Variants in FIP1L1 observed in about 807,000 individuals in gnomAD.
The protein encoded by FIP1L1 is pre-mRNA 3'-end-processing factor FIP1.
Under a neutral mutation model 84.6 loss-of-function variants are expected in FIP1L1, and 21 were observed. That is an observed-to-expected ratio of 0.25 (90% CI 0.18 to 0.36). The LOEUF is 0.36. Ranked by LOEUF, FIP1L1 falls within the 10% of genes least tolerant of loss-of-function variation. The pLI is 1.00. For synonymous variants in FIP1L1, 263 were observed against 242.3 expected, an observed-to-expected ratio of 1.09 and a Z score of -0.80; for missense variants, 526 against 751.1, an observed-to-expected ratio of 0.70 and a Z score of 3.50.
chr4:53,409,790 G>C (rs1191960783), intron 10 of FIP1L1, among the ~76,000 whole-genome samples: 3 of 152,232 alleles, frequency 2.0e-5, no homozygotes, highest in African/African-American at 7.2e-5. Flanking sequence ...AGGACCCTCC[G>C]ACCCAGGTGC....
intron 9 of FIP1L1, among the ~76,000 whole-genome samples, chr4:53,396,184 G>A (rs1747229599): frequency 6.6e-6 from 1 of 152,124 alleles, no homozygotes; most frequent in East Asian, 1.9e-4. Context: ...CTCCTGAAGT[G>A]TTGGGATTAC....
chr4:53,381,422 T>C (rs1233289111), intron 3 of FIP1L1, among the ~76,000 whole-genome samples: 1 of 152,212 alleles, frequency 6.6e-6, no homozygotes, highest in East Asian at 1.9e-4. Context: ...GATACTGTTT[T>C]GTGACGTAGA....
intron 16 of FIP1L1, among the ~76,000 whole-genome samples, chr4:53,455,234 A>G (rs568672929): frequency 4.4e-4 from 67 of 152,188 alleles, no homozygotes; most frequent in Middle Eastern, 3.4e-3. Flanking sequence ...TTAACCATTC[A>G]TGTGTTCACT....
At chr4:53,439,304 A>G (rs896392932) in intron 13 of FIP1L1, among the ~76,000 whole-genome samples, 8 of 152,098 alleles carry the variant, frequency 5.3e-5, no homozygotes, top group African/African-American at 1.9e-4. Flanking sequence ...GTGGATTCAT[A>G]AAGATTTTTG....
At chr4:53,378,141 C>A in intron 1 of FIP1L1, 1 of 427,774 alleles carries the variant, frequency 2.3e-6, no homozygotes, top group Non-Finnish European at 4.1e-6. Context: ...ACCCCTGTGG[C>A]GGCCGGGCCG....
intron 11 of FIP1L1, among the ~76,000 whole-genome samples, chr4:53,419,848 C>T (rs1002481667): frequency 2.0e-5 from 3 of 152,274 alleles, no homozygotes; most frequent in South Asian, 2.1e-4. Context: ...CGCAATGGCT[C>T]ACGCCTATAA....
chr4:53,442,480 G>A, intron 13 of FIP1L1, 173 bp from the exon 14 acceptor site: 1 of 560,936 alleles, frequency 1.8e-6, no homozygotes. Flanking sequence ...AAGTTTTATT[G>A]CGCTAAAAAT....
At position 53,383,912 on chromosome 4, in the gene FIP1L1, T is replaced by C. The variant is rs1350655345; in HGVS notation, c.332+36T>C. The C allele has an allele frequency of 5.6e-6, 9 of 1,594,806 alleles. No individual in the cohort carries two copies. The South Asian group carries it at 6.8e-5, about 12-fold the overall frequency. ...TTTTAGTAAGTAACAATTGTGTAAA[T>C]GCTATATAGTAAGGAGAGTGTGCCT... On this transcript the variant is annotated intron_variant, in intron 5 of 17. Coordinates refer to ENST00000337488, the MANE Select transcript of FIP1L1 (RefSeq NM_030917.4).
At chr4:53,430,713 C>G (rs1420481803) in intron 13 of FIP1L1, among the ~76,000 whole-genome samples, 3 of 152,132 alleles carry the variant, frequency 2.0e-5, no homozygotes, top group African/African-American at 7.2e-5. Flanking sequence ...TGACATTATA[C>G]TATAGAGTGC....
Position 53,428,171 on chromosome 4 carries a change from A to C in FIP1L1, c.1162A>C (p.Ile388Leu). The C allele has an allele frequency of 1.3e-6, 2 of 1,581,260 alleles. No individual in the cohort carries two copies. The highest frequency in any genetic ancestry group is 1.7e-6 in the Non-Finnish European group (2 of 1,159,820). ...PPTVSTAPPL[I>L]PPPGFPPPPG... ...GACTGTCAGCACTGCTCCACCTCTG[A>C]TTCCACCACCGGGTAAATAGTAAAT... Residue 388 changes from isoleucine to leucine, a missense_variant, in exon 13 of 18, where the codon ATT (isoleucine) becomes CTT (leucine). Physicochemically the swap from Ile to Leu is conservative, Grantham distance 5 (BLOSUM62 2). This residue lies in a region of FIP1L1 where 80 missense variants were observed against 151.1 expected (regional missense o/e 0.53). Transcript: ENST00000337488.
At position 53,460,729 on chromosome 4, in the gene FIP1L1, AT is replaced by A; in HGVS notation, c.*1287del. The A allele has an allele frequency of 1.3e-5, 8 of 593,876 alleles. No individual in the cohort carries two copies. The highest frequency in any genetic ancestry group is 2.5e-5 in the South Asian group (1 of 39,244). 36.8% of individuals were successfully genotyped at this position (593,876 alleles called of 1,614,324 possible). ...CACTGAAAAAAAACTAGTAGTTTTA[AT>A]TTTTTTGGAATCATATTTTCTGAGG... On this transcript the variant is annotated 3_prime_UTR_variant, in exon 18 of 18. Transcript: ENST00000337488.
intron 3 of FIP1L1, 44 bp from the exon 4 acceptor site, chr4:53,382,234 G>GAAAAGT: frequency 1.4e-6 from 2 of 1,415,272 alleles, no homozygotes; most frequent in Non-Finnish European, 2.0e-6. Context: ...CTGTACTTCC[G>GAAAAGT]AAAAGTAATG....
chr4:53,397,773 A>G (rs539196093), intron 9 of FIP1L1, among the ~76,000 whole-genome samples: 5 of 152,344 alleles, frequency 3.3e-5, no homozygotes, highest in African/African-American at 1.2e-4. Context: ...GTTCATATGT[A>G]TTAGATAATT....
intron 10 of FIP1L1, among the ~76,000 whole-genome samples, chr4:53,409,309 G>A (rs1453465875): frequency 4.6e-5 from 7 of 152,150 alleles, no homozygotes; most frequent in African/African-American, 1.2e-4. Context: ...GCAGAACAGC[G>A]GATTTTCGTG....
chr4:53,436,856 AC>A (rs67320049), intron 13 of FIP1L1, among the ~76,000 whole-genome samples: 19,662 of 151,906 alleles, frequency 0.13, 2,536 homozygotes, highest in African/African-American at 0.32. Context: ...TTCAGGTCTT[AC>A]CCCCACCCAC....
At chr4:53,417,779 T>A (rs879280234) in intron 11 of FIP1L1, among the ~76,000 whole-genome samples, 13,974 of 41,364 alleles carry the variant, frequency 0.34, 1,001 homozygotes, top group African/African-American at 0.46. Flanking sequence ...TCTCTCTCTC[T>A]CTCTCTCTCT....
chr4:53,442,578 T>C (rs1400149562), intron 13 of FIP1L1, 75 bp from the exon 14 acceptor site: 16 of 981,452 alleles, frequency 1.6e-5, no homozygotes, highest in Admixed American at 1.4e-4. Flanking sequence ...TTTAGTGATA[T>C]GCAGCAACTT....
intron 5 of FIP1L1, among the ~76,000 whole-genome samples, chr4:53,384,902 A>G (rs1475554144): frequency 6.6e-6 from 1 of 152,248 alleles, no homozygotes; most frequent in Non-Finnish European, 1.5e-5. Context: ...CAACCAGTAT[A>G]TACAAAAATA....
chr4:53,403,027 G>C (rs186737531), intron 10 of FIP1L1, among the ~76,000 whole-genome samples: 1 of 152,248 alleles, frequency 6.6e-6, no homozygotes, highest in Non-Finnish European at 1.5e-5. Flanking sequence ...TGAGGCTGTT[G>C]GAAATAAGAG....
Sources: gnomAD v4.1 joint callset for allele counts (sites outside exome capture counted in the v4.1 genomes callset) on GRCh38, gnomAD v4.1.1 for gene constraint, gnomAD v4.1.1 regional missense constraint, MANE v1.5 for transcripts, NCBI Gene and HGNC (gene_info 2026-07-23, HGNC 2026-07-21) for gene names.